The following TRAM1 variants were observed in gnomAD, a reference collection of about 807,000 sequenced individuals.
The protein encoded by TRAM1 is translocation associated membrane protein 1.
Under a neutral mutation model 48.7 loss-of-function variants are expected in TRAM1, and 17 were observed. The observed-to-expected ratio is 0.35, with a 90% CI of 0.24 to 0.52. TRAM1 has a LOEUF of 0.52. Ranked by LOEUF, TRAM1 falls within the 20% of genes least tolerant of loss-of-function variation. The pLI is 0.94. For missense variants in TRAM1, 351 were observed against 441.5 expected (o/e 0.79, Z 1.84); for synonymous variants, 182 against 154.0 (o/e 1.18, Z -1.34).
At chr8:70,598,105 A>G (rs761806639) in intron 3 of TRAM1, 29 bp downstream of exon 3, 2 of 1,594,726 alleles carry the variant, frequency 1.3e-6, no homozygotes, top group Non-Finnish European at 1.7e-6. Context: ...TACTTTATAA[A>G]GTATAGATTT....
rs138452097 is a variant in TRAM1 at position 70,579,399 on chromosome 8, A to G, written c.1051+3765T>C. Among the ~76,000 whole-genome samples the G allele has an allele frequency of 2.6e-5, 4 of 152,316 alleles. No individual in the cohort carries two copies. In the East Asian group the frequency reaches 7.7e-4, roughly 29 times the overall value. ...TGTCATAAATGAGTCATGTATACAC[A>G]TATGTTGTACAGCTGTTGACTGAAA... On this transcript the variant is annotated intron_variant, in intron 10 of 10. Coordinates refer to ENST00000262213, the MANE Select transcript of TRAM1 (RefSeq NM_014294.6).
At chr8:70,604,718 A>C (rs1409435496) in intron 1 of TRAM1, among the ~76,000 whole-genome samples, 1 of 152,204 alleles carries the variant, frequency 6.6e-6, no homozygotes, top group Non-Finnish European at 1.5e-5. Context: ...AACGTCCCCA[A>C]AATCTGTATG....
intron 4 of TRAM1, among the ~76,000 whole-genome samples, 162 bp from the exon 5 acceptor site, chr8:70,596,483 T>C (rs928602332): frequency 3.3e-5 from 5 of 152,154 alleles, no homozygotes; most frequent in Non-Finnish European, 7.4e-5. Context: ...TCAAGCCAAT[T>C]TGAGTTGGTT....
At chr8:70,607,896 G>A (rs531002738) in intron 1 of TRAM1, 181 bp downstream of exon 1, 3 of 678,906 alleles carry the variant, frequency 4.4e-6, no homozygotes, top group Non-Finnish European at 6.3e-6. Flanking sequence ...GCCGGCCGCC[G>A]GGGAGCTGCC....
intron 10 of TRAM1, among the ~76,000 whole-genome samples, chr8:70,582,439 A>AC (rs887978677): frequency 2.0e-5 from 3 of 148,840 alleles, no homozygotes; most frequent in Non-Finnish European, 3.0e-5. Flanking sequence ...GACTACAGGC[A>AC]CCCCCCACTG....
chr8:70,608,115 A>G lies in TRAM1; in HGVS notation c.85T>C (p.Cys29Arg), dbSNP rs1338985731. ...CCCAGCAGGAAGACCATCGCCACACAGGAGACGATGTCCGCGTGATTCTGC... is the reference window on the plus strand; with the variant it reads ...CCCAGCAGGAAGACCATCGCCACACGGGAGACGATGTCCGCGTGATTCTGC... Reference protein sequence around the residue: ...VLQNHADIVSCVAMVFLLGLM... With the variant: ...VLQNHADIVSRVAMVFLLGLM... Residue 29 changes from cysteine to arginine, a missense_variant, in exon 1 of 11, where the codon TGT (cysteine) becomes CGT (arginine). By Grantham distance (180) the Cys-to-Arg change is radical. Coordinates refer to ENST00000262213, the MANE Select transcript of TRAM1 (RefSeq NM_014294.6). 1 of 1,599,774 alleles carries G rather than the reference A, an allele frequency of 6.3e-7. No individual in the cohort carries two copies. The highest frequency in any genetic ancestry group is 8.5e-7 in the Non-Finnish European group (1 of 1,174,018).
rs1817486175 is a variant in TRAM1 at position 70,596,308 on chromosome 8, G to A, written c.440C>T (p.Ser147Leu). ...AGCCCTCCATAAGATAGTTGGGTCTGAGATGTAGTTTTCCTAAGAAAGAAG... is the reference window on the plus strand; with the variant it reads ...AGCCCTCCATAAGATAGTTGGGTCTAAGATGTAGTTTTCCTAAGAAAGAAG... ...TFILISENYI[S>L]DPTILWRAYP... is the part of the protein sequence containing the mutation. The change falls in exon 5 of 11, where the codon TCA becomes TTA. Residue 147 changes from serine (S) to leucine (L), a missense_variant. Physicochemically the swap from Ser to Leu is moderately radical, Grantham distance 145 (BLOSUM62 -2). Transcript: ENST00000262213. 1 of 1,597,740 alleles carries A rather than the reference G, an allele frequency of 6.3e-7. No homozygotes were observed. Among genetic ancestry groups the A allele is most frequent in the Non-Finnish European group, 8.5e-7 (1 of 1,173,774 alleles).
intron 1 of TRAM1, among the ~76,000 whole-genome samples, chr8:70,604,230 T>C (rs1348697709): frequency 4.3e-5 from 1 of 23,508 alleles, no homozygotes; most frequent in Non-Finnish European, 1.1e-4. Flanking sequence ...GTATGCAATG[T>C]CATAAATACA....
chr8:70,593,001 C>T (rs545289551), intron 6 of TRAM1, among the ~76,000 whole-genome samples: 1 of 152,126 alleles, frequency 6.6e-6, no homozygotes, highest in Admixed American at 6.5e-5. Flanking sequence ...ACATTAGGAG[C>T]TTACTAAACA....
chr8:70,591,007 T>TAA (rs766457339), intron 6 of TRAM1, among the ~76,000 whole-genome samples: 1 of 129,368 alleles, frequency 7.7e-6, no homozygotes, highest in Non-Finnish European at 1.7e-5. Flanking sequence ...ACAATAATAA[T>TAA]AAAAAAAAAA....
At chr8:70,597,689 A>AG (rs1281917001) in intron 4 of TRAM1, among the ~76,000 whole-genome samples, 1 of 150,440 alleles carries the variant, frequency 6.6e-6, no homozygotes, top group Non-Finnish European at 1.5e-5. Context: ...AAAAAAAAAA[A>AG]AAAGAAAGAT....
intron 10 of TRAM1, 108 bp downstream of exon 10, chr8:70,583,056 T>G: frequency 8.1e-7 from 1 of 1,231,388 alleles, no homozygotes; most frequent in South Asian, 1.7e-5. Context: ...AAAAGCAGAA[T>G]AGTATTTTCT....
At chr8:70,603,834 T>G (rs1817662134) in intron 1 of TRAM1, among the ~76,000 whole-genome samples, 1 of 152,094 alleles carries the variant, frequency 6.6e-6, no homozygotes, top group Non-Finnish European at 1.5e-5. Flanking sequence ...AAAATTAAAA[T>G]TTGACCTCCA....
intron 1 of TRAM1, among the ~76,000 whole-genome samples, chr8:70,602,377 A>T (rs2132045660): frequency 6.6e-6 from 1 of 152,328 alleles, no homozygotes; most frequent in East Asian, 1.9e-4. Flanking sequence ...AGTGAAGGCA[A>T]CAGGGAAAAG....
At chr8:70,576,159 TGAAAG>T (rs1187752297) in intron 10 of TRAM1, among the ~76,000 whole-genome samples, 2 of 150,558 alleles carry the variant, frequency 1.3e-5, no homozygotes, top group East Asian at 3.9e-4. Context: ...AAAGCAGTGT[TGAAAG>T]GAAAAGTTTA....
chr8:70,583,602 T>C (rs1817131678), intron 9 of TRAM1, 48 bp downstream of exon 9: 2 of 1,577,978 alleles, frequency 1.3e-6, no homozygotes, highest in Non-Finnish European at 1.7e-6. Flanking sequence ...ACTGATAATA[T>C]ATATTATCTA....
chr8:70,589,256 G>C (rs1817296589), intron 6 of TRAM1, among the ~76,000 whole-genome samples: 1 of 152,168 alleles, frequency 6.6e-6, no homozygotes, highest in Non-Finnish European at 1.5e-5. Context: ...TCTGAAAATA[G>C]ACGGTCTTAA....
chr8:70,575,672 A>C (rs1310400030), intron 10 of TRAM1, among the ~76,000 whole-genome samples: 1 of 152,192 alleles, frequency 6.6e-6, no homozygotes, highest in Non-Finnish European at 1.5e-5. Flanking sequence ...TTGCATACAG[A>C]AATGGATGTT....
chr8:70,597,864 G>T, intron 4 of TRAM1, 31 bp downstream of exon 4: 1 of 1,466,720 alleles, frequency 6.8e-7, no homozygotes, highest in Non-Finnish European at 9.3e-7. Context: ...AGATAAGGAA[G>T]GAGAACAACA....
Sources: gnomAD v4.1 joint callset for allele counts (sites outside exome capture counted in the v4.1 genomes callset) on GRCh38, gnomAD v4.1.1 for gene constraint, MANE v1.5 for transcripts, NCBI Gene and HGNC (gene_info 2026-07-23, HGNC 2026-07-21) for gene names.